CEP55: variants seen among roughly 807,000 people sequenced by gnomAD.
CEP55 encodes the protein centrosomal protein 55.
A neutral mutation model predicts 63.2 loss-of-function variants in CEP55; 57 were observed. That is an observed-to-expected ratio of 0.90 (90% CI 0.73 to 1.13). CEP55 has a LOEUF of 1.13. Among genes scored for constraint, CEP55 ranks in the 50% most tolerant of loss-of-function variants. CEP55 has a pLI of 0.00. For synonymous variants in CEP55, 178 were observed against 191.6 expected (o/e 0.93, Z 0.59); for missense variants, 456 against 518.9 (o/e 0.88, Z 1.18).
intron 8 of CEP55, among the ~76,000 whole-genome samples, chr10:93,523,988 G>A (rs1312547447): frequency 1.3e-5 from 2 of 152,080 alleles, no homozygotes; most frequent in East Asian, 3.9e-4. Flanking sequence ...GAGAAAGCAG[G>A]AAAGATCTAA....
intron 8 of CEP55, among the ~76,000 whole-genome samples, chr10:93,523,851 A>C (rs1452988803): frequency 1.3e-5 from 2 of 152,252 alleles, no homozygotes; most frequent in Admixed American, 1.3e-4. Context: ...TGGGTACATA[A>C]CAAAATGAAG....
chr10:93,501,131 A>C (rs1343954419), intron 2 of CEP55, among the ~76,000 whole-genome samples: 5 of 152,192 alleles, frequency 3.3e-5, no homozygotes, highest in Non-Finnish European at 7.3e-5. Context: ...CCTTATTTAA[A>C]ACATATTTTA....
At chr10:93,521,885 C>T (rs554837279) in intron 8 of CEP55, among the ~76,000 whole-genome samples, 1 of 152,316 alleles carries the variant, frequency 6.6e-6, no homozygotes, top group South Asian at 2.1e-4. Context: ...TCTGAGGGTC[C>T]TGACTGTTAG....
chr10:93,521,775 T>A (rs2057866155), intron 8 of CEP55, among the ~76,000 whole-genome samples: 1 of 152,274 alleles, frequency 6.6e-6, no homozygotes, highest in East Asian at 1.9e-4. Context: ...GGCAGCAACA[T>A]TTGCTGTTCA....
chr10:93,510,993 C>G (rs2057742153), intron 4 of CEP55, among the ~76,000 whole-genome samples: 1 of 141,696 alleles, frequency 7.1e-6, no homozygotes, highest in Admixed American at 7.6e-5. Flanking sequence ...GGCTGTAGTG[C>G]AGTGGCACGG....
At chr10:93,501,674 A>T (rs191291883) in intron 2 of CEP55, among the ~76,000 whole-genome samples, 218 of 152,328 alleles carry the variant, frequency 1.4e-3, no homozygotes, top group African/African-American at 4.6e-3. Flanking sequence ...TCTCAAAAAA[A>T]AAATAAATAA....
chr10:93,503,335 A>G lies in CEP55; in HGVS notation c.406A>G (p.Thr136Ala), dbSNP rs749583185. The G allele has an allele frequency of 3.5e-5, 56 of 1,614,094 alleles. No homozygotes were observed. In the South Asian group the frequency reaches 4.0e-4, roughly 11 times the overall value. ...DVLKQQLSAA[T>A]SRIAELESKT... is the part of the protein sequence containing the mutation. ...ATTGAAACAACAGTTGTCTGCTGCA[A>G]CCTCACGAATTGCTGAACTTGAAAG... is the stretch of plus-strand genomic sequence containing the variant. The change falls in exon 3 of 9, where the codon ACC becomes GCC. Residue 136 changes from threonine (T) to alanine (A), a missense_variant. By Grantham distance (58) the Thr-to-Ala change is moderately conservative. Coordinates refer to ENST00000371485, the MANE Select transcript of CEP55 (RefSeq NM_018131.5).
At position 93,517,260 on chromosome 10, in the gene CEP55, C is replaced by T. The variant is rs928012214; in HGVS notation, c.993+12C>T. The T allele has an allele frequency of 7.0e-6, 11 of 1,570,100 alleles. No homozygotes were observed. The highest frequency in any genetic ancestry group is 3.8e-5 in the Admixed American group (2 of 52,384). ...AGCTCTTATCTCAGGTAAACTTAAC[C>T]AGATCCATAATTCAGAGTGTTCACC... is the stretch of plus-strand genomic sequence containing the variant. On this transcript the variant is annotated intron_variant, in intron 6 of 8. Coordinates refer to ENST00000371485, the MANE Select transcript of CEP55 (RefSeq NM_018131.5).
intron 4 of CEP55, among the ~76,000 whole-genome samples, chr10:93,511,075 A>G (rs1261232654): frequency 6.6e-6 from 1 of 151,158 alleles, no homozygotes; most frequent in Non-Finnish European, 1.5e-5. Flanking sequence ...AGTAGCTGGG[A>G]TTACAGGCAC....
intron 8 of CEP55, 78 bp downstream of exon 8, chr10:93,519,885 T>C: frequency 6.5e-7 from 1 of 1,532,044 alleles, no homozygotes; most frequent in South Asian, 1.1e-5. Flanking sequence ...CTTAGGAGGA[T>C]ACAGCTTAAC....
chr10:93,506,650 C>T (rs540883277), intron 3 of CEP55, among the ~76,000 whole-genome samples: 4 of 152,216 alleles, frequency 2.6e-5, no homozygotes, highest in African/African-American at 9.6e-5. Flanking sequence ...TCACTGCAGC[C>T]TCCACCTCCC....
At chr10:93,501,353 T>C (rs953962981) in intron 2 of CEP55, among the ~76,000 whole-genome samples, 1 of 152,198 alleles carries the variant, frequency 6.6e-6, no homozygotes, top group African/African-American at 2.4e-5. Flanking sequence ...AATTTGGATT[T>C]AATTATTTTG....
rs2134489809 is a variant in CEP55, at chr10:93,519,685, C to T, written c.1069C>T (p.Gln357Ter). The T allele has an allele frequency of 5.0e-6, 8 of 1,614,046 alleles. No homozygotes were observed. In the South Asian group the frequency reaches 7.7e-5, roughly 16 times the overall value. ...TCTTGTTCTGGGCCTTTTCCAGATGCAGGCATGTACTTTAGACTTTGAAAA... is the reference window on the plus strand; with the variant it reads ...TCTTGTTCTGGGCCTTTTCCAGATGTAGGCATGTACTTTAGACTTTGAAAA... ...TRVALLEQQM[Q>*]ACTLDFENEK... The change falls in exon 8 of 9, where the codon CAG (glutamine) becomes TAG (stop). Residue 357 changes from glutamine to a stop codon, truncating the protein, a stop_gained. Coordinates refer to ENST00000371485, the MANE Select transcript of CEP55 (RefSeq NM_018131.5). LOFTEE classifies it high-confidence loss of function.
At chr10:93,516,368 C>G (rs2057803173) in intron 5 of CEP55, among the ~76,000 whole-genome samples, 1 of 152,174 alleles carries the variant, frequency 6.6e-6, no homozygotes, top group Non-Finnish European at 1.5e-5. Flanking sequence ...CCTAATGGCA[C>G]TAAGTTGCTT....
chr10:93,510,988 T>G (rs1405402274), intron 4 of CEP55, among the ~76,000 whole-genome samples: 3 of 149,874 alleles, frequency 2.0e-5, no homozygotes, highest in Non-Finnish European at 4.4e-5. Context: ...GCCGAGGCTG[T>G]AGTGCAGTGG....
At chr10:93,518,309 C>A (rs1165168160) in intron 6 of CEP55, among the ~76,000 whole-genome samples, 2 of 152,020 alleles carry the variant, frequency 1.3e-5, no homozygotes, top group Non-Finnish European at 2.9e-5. Flanking sequence ...ACCACCACGG[C>A]TGGCCAATTT....
chr10:93,507,950 A>G (rs917421457), intron 4 of CEP55, among the ~76,000 whole-genome samples: 1 of 152,146 alleles, frequency 6.6e-6, no homozygotes, highest in Non-Finnish European at 1.5e-5. Context: ...CCTGGCCTCC[A>G]TTTTATTCTT....
At chr10:93,510,864 G>T (rs2134471280) in intron 4 of CEP55, among the ~76,000 whole-genome samples, 1 of 151,478 alleles carries the variant, frequency 6.6e-6, no homozygotes, top group East Asian at 1.9e-4. Context: ...ACGTTGGTTG[G>T]AATTTTTGTC....
At chr10:93,514,333 AAC>A (rs994589960) in intron 4 of CEP55, among the ~76,000 whole-genome samples, 17 of 152,224 alleles carry the variant, frequency 1.1e-4, no homozygotes, top group Non-Finnish European at 1.8e-4. Context: ...CCCCTATACA[AAC>A]AGGTGAGTGA....
Sources: gnomAD v4.1 joint callset for allele counts (sites outside exome capture counted in the v4.1 genomes callset) on GRCh38, gnomAD v4.1.1 for gene constraint, MANE v1.5 for transcripts, NCBI Gene and HGNC (gene_info 2026-07-23, HGNC 2026-07-21) for gene names.